NOTCH2NLR: variants seen among roughly 807,000 people sequenced by gnomAD.
The protein encoded by NOTCH2NLR is notch 2 N-terminal like R (pseudogene).
Under a neutral mutation model 35.6 loss-of-function variants are expected in NOTCH2NLR, and 33 were observed. That is an observed-to-expected ratio of 0.93 (90% confidence interval 0.70 to 1.24). The LOEUF (loss-of-function observed/expected upper bound fraction) is 1.24, where lower values mean the gene tolerates loss of function less well. Ranked by LOEUF, NOTCH2NLR falls within the 50% of genes most tolerant of loss-of-function variation. The probability of loss-of-function intolerance (pLI) is 0.00; values close to 1 mark genes in which losing one functional copy is unlikely to be tolerated. For synonymous variants in NOTCH2NLR, 103 were observed against 141.0 expected (o/e 0.73, Z 1.91); for missense variants, 276 against 362.2 (o/e 0.76, Z 1.93).
chr1:120,756,667 G>A (rs1418094661), intron 1 of NOTCH2NLR, among the ~76,000 whole-genome samples: 1 of 117,814 alleles, frequency 8.5e-6, no homozygotes, highest in East Asian at 2.1e-4. Flanking sequence ...AATTACTCAT[G>A]TTAGAGATTC....
intron 1 of NOTCH2NLR, among the ~76,000 whole-genome samples, chr1:120,759,929 C>T (rs1651115726): frequency 9.9e-6 from 1 of 101,420 alleles, no homozygotes; most frequent in South Asian, 2.8e-4. Context: ...CAAAAAAATT[C>T]TTCTTGTGTA....
rs1212617658 is a variant in NOTCH2NLR at position 120,784,055 on chromosome 1, G to T, written c.156-919G>T. 3.0e-4 allele frequency among the ~76,000 whole-genome samples: 35 copies of T among 115,940 alleles called. 14 individuals carry two copies. Among genetic ancestry groups the T allele is most frequent in the African/African-American group, 1.7e-3 (33 of 19,716 alleles). The allele number at this position is 115,940 out of a possible 152,430, so 76.1% of individuals were successfully genotyped here. A position where few individuals can be genotyped will look rare whatever the true frequency, so the allele number is the denominator to read the frequency against. On this transcript the variant is annotated intron_variant, in intron 2 of 4. Coordinates refer to ENST00000624419, the Ensembl canonical transcript of NOTCH2NLR. The stretch of plus-strand genomic sequence containing the variant: ...AAGAAAGAGAAATATCTGAAATTAG[G>T]CTACAGTCATAGAAGGTTAGCTGTG...
chr1:120,736,509 A>G (rs1650909629), intron 1 of NOTCH2NLR, among the ~76,000 whole-genome samples: 1 of 115,456 alleles, frequency 8.7e-6, no homozygotes, highest in Non-Finnish European at 1.9e-5. Flanking sequence ...AGGAAATAGG[A>G]ACATCATCTT....
At chr1:120,760,242 C>G (rs1651120531) in intron 1 of NOTCH2NLR, among the ~76,000 whole-genome samples, 1 of 71,344 alleles carries the variant, frequency 1.4e-5, no homozygotes, top group Non-Finnish European at 2.3e-5. Context: ...GGCTGGAGTA[C>G]AGTGGAGCAA....
In NOTCH2NLR at chr1:120,724,213, G is replaced by T; in HGVS notation, c.36G>T (p.Leu12=). The change falls in exon 1 of 5, where the codon CTG becomes CTT. Residue 12 remains leucine, a synonymous_variant. Transcript: ENST00000624419. The stretch of plus-strand genomic sequence containing the variant: ...TGCGTCCCGCTCTGCTGTGGGCGCT[G>T]CTGGCGCTCTGGCTGTGCTGGGCGG... The T allele has an allele frequency of 3.6e-6, 5 of 1,407,018 alleles. 2 individuals carry two copies. In the South Asian group the frequency reaches 6.3e-5, roughly 18 times the overall value. 87.2% of individuals were successfully genotyped at this position (1,407,018 alleles called of 1,614,324 possible). A position where few individuals can be genotyped will look rare whatever the true frequency, so the allele number is the denominator to read the frequency against.
chr1:120,760,180 C>CTTTT (rs1161423259), intron 1 of NOTCH2NLR, among the ~76,000 whole-genome samples: 2 of 15,166 alleles, frequency 1.3e-4, no homozygotes, highest in Admixed American at 4.9e-4. Context: ...TCTACCACAG[C>CTTTT]TTTTTTTTTT....
At chr1:120,781,704 C>T (rs1651363268) in intron 2 of NOTCH2NLR, among the ~76,000 whole-genome samples, 1 of 82,440 alleles carries the variant, frequency 1.2e-5, no homozygotes, top group Admixed American at 1.2e-4. Flanking sequence ...GCTGGGACTA[C>T]AGGCGCCTGC....
rs1651513075 is a variant in NOTCH2NLR at position 120,793,240 on chromosome 1, G to A, written c.495G>A (p.Gln165=). ...GTACCTGTACCACTGTGGCCAACCA[G>A]TTCTCCTGCAAATGCCTCACAGGCT... The change falls in exon 4 of 5, where the codon CAG becomes CAA. Residue 165 remains glutamine (Q), a synonymous_variant. Coordinates refer to ENST00000624419, the Ensembl canonical transcript of NOTCH2NLR. 11 of 1,439,778 alleles carry A rather than the reference G, an allele frequency of 7.6e-6. 2 individuals carry two copies. Among genetic ancestry groups the A allele is most frequent in the Admixed American group, 3.9e-5 (2 of 50,910 alleles). The allele number at this position is 1,439,778 out of a possible 1,614,324, so 89.2% of individuals were successfully genotyped here. A position where few individuals can be genotyped will look rare whatever the true frequency, so the allele number is the denominator to read the frequency against.
rs1275813529 is a variant in NOTCH2NLR, at chr1:120,783,739, C to T, written c.156-1235C>T. Among the ~76,000 whole-genome samples, 3 of 117,270 alleles carry T rather than the reference C, an allele frequency of 2.6e-5. 1 individual carries two copies. Among genetic ancestry groups the T allele is most frequent in the East Asian group, 2.1e-4 (1 of 4,716 alleles). 76.9% of individuals were successfully genotyped at this position (117,270 alleles called of 152,430 possible). A position where few individuals can be genotyped will look rare whatever the true frequency, so the allele number is the denominator to read the frequency against. Reference sequence around the variant, plus strand: ...AAGAGCAGTGCAGTCCAGACTTAAACGTTAGGGTGGCCATAATATATGGGG... The same window carrying T: ...AAGAGCAGTGCAGTCCAGACTTAAATGTTAGGGTGGCCATAATATATGGGG... On this transcript the variant is annotated intron_variant, in intron 2 of 4. Coordinates refer to ENST00000624419, the Ensembl canonical transcript of NOTCH2NLR.
Position 120,724,691 on chromosome 1 carries a change from C to T in NOTCH2NLR, c.73+441C>T, listed in dbSNP as rs1418836808. ...GCGGGGGCAGGGCCGCCAAGCCAAACGGCCTGCAGCTTCGCAGCCAGCCTC... is the reference window on the plus strand; with the variant it reads ...GCGGGGGCAGGGCCGCCAAGCCAAATGGCCTGCAGCTTCGCAGCCAGCCTC... On this transcript the variant is annotated intron_variant, in intron 1 of 4. Coordinates refer to ENST00000624419, the Ensembl canonical transcript of NOTCH2NLR. 6.2e-4 allele frequency among the ~76,000 whole-genome samples: 77 copies of T among 124,814 alleles called. 23 individuals carry two copies. Among genetic ancestry groups the T allele is most frequent in the African/African-American group, 2.9e-3 (74 of 25,532 alleles). The allele number at this position is 124,814 out of a possible 152,430, so 81.9% of individuals were successfully genotyped here.
intron 4 of NOTCH2NLR, 74 bp downstream of exon 4, chr1:120,793,570 G>C (rs1651519731): frequency 9.1e-7 from 1 of 1,099,110 alleles, no homozygotes; most frequent in Non-Finnish European, 1.3e-6. Flanking sequence ...TGGCTCAATT[G>C]CATTTTTTAG....
chr1:120,793,179 C>T lies in NOTCH2NLR; in HGVS notation c.434C>T (p.Thr145Ile), dbSNP rs1651512241. 3 of 1,438,488 alleles carry T rather than the reference C, an allele frequency of 2.1e-6. 1 individual carries two copies. The highest frequency in any genetic ancestry group is 2.7e-5 in the African/African-American group (1 of 36,444). The allele number at this position is 1,438,488 out of a possible 1,614,324, so 89.1% of individuals were successfully genotyped here. The change falls in exon 4 of 5, where the codon ACC (threonine) becomes ATC (isoleucine). Residue 145 changes from threonine (T) to isoleucine (I), a missense_variant. Coordinates refer to ENST00000624419, the Ensembl canonical transcript of NOTCH2NLR. ...CCTTTAGGTAAGGAGTGCCAATGGA[C>T]CGATGCCTGCCTGTCTCATCTCTGT... is the stretch of plus-strand genomic sequence containing the variant.
chr1:120,743,782 T>C lies in NOTCH2NLR; in HGVS notation c.73+19532T>C, dbSNP rs1488326550. ...ATTCCAGAAGTTCTGGTATGGATAG[T>C]GTGAGCCCAGGGAATGTGCTTAGAT... is the stretch of plus-strand genomic sequence containing the variant. On this transcript the variant is annotated intron_variant, in intron 1 of 4. Coordinates refer to ENST00000624419, the Ensembl canonical transcript of NOTCH2NLR. Among the ~76,000 whole-genome samples the C allele has an allele frequency of 1.6e-5, 2 of 125,646 alleles. 1 individual carries two copies. The highest frequency in any genetic ancestry group is 6.8e-5 in the African/African-American group (2 of 29,274). The allele number at this position is 125,646 out of a possible 152,430, so 82.4% of individuals were successfully genotyped here.
chr1:120,790,170 C>T lies in NOTCH2NLR; in HGVS notation c.416-2991C>T, dbSNP rs1162144176. 3.9e-5 allele frequency among the ~76,000 whole-genome samples: 4 copies of T among 102,402 alleles called. 1 individual carries two copies. Among genetic ancestry groups the T allele is most frequent in the African/African-American group, 1.9e-4 (3 of 15,428 alleles). The allele number at this position is 102,402 out of a possible 152,430, so 67.2% of individuals were successfully genotyped here. On this transcript the variant is annotated intron_variant, in intron 3 of 4. Coordinates refer to ENST00000624419, the Ensembl canonical transcript of NOTCH2NLR. ...AGCTGGGACTACAGGCACCTACCGC[C>T]ATGCCCGGCTAATTTTTGTATTTTT... is the stretch of plus-strand genomic sequence containing the variant.
intron 1 of NOTCH2NLR, among the ~76,000 whole-genome samples, chr1:120,730,503 T>C (rs2101347212): frequency 1.2e-5 from 1 of 86,540 alleles, no homozygotes; most frequent in East Asian, 2.7e-4. Flanking sequence ...TGGCTTCAGA[T>C]CTGAAAGGAT....
At chr1:120,727,507 G>A (rs1396409851) in intron 1 of NOTCH2NLR, among the ~76,000 whole-genome samples, 10 of 107,754 alleles carry the variant, frequency 9.3e-5, no homozygotes, top group Non-Finnish European at 1.7e-4. Context: ...CATATATTTA[G>A]ATGATATAAT....
chr1:120,763,719 T>G lies in NOTCH2NLR; in HGVS notation c.155+10T>G. ...GCACAGGATACTGCAAGTAAGTTTT[T>G]CTCTTCATATATTTTCTTTTTGCGA... is the stretch of plus-strand genomic sequence containing the variant. On this transcript the variant is annotated intron_variant, in intron 2 of 4. Coordinates refer to ENST00000624419, the Ensembl canonical transcript of NOTCH2NLR. The G allele has an allele frequency of 8.3e-7, 1 of 1,207,206 alleles. No homozygotes were observed. The highest frequency in any genetic ancestry group is 1.9e-4 in the Middle Eastern group (1 of 5,230). 74.8% of individuals were successfully genotyped at this position (1,207,206 alleles called of 1,614,324 possible).
intron 1 of NOTCH2NLR, among the ~76,000 whole-genome samples, chr1:120,733,063 A>G (rs1338208445): frequency 1.7e-5 from 1 of 58,696 alleles, no homozygotes; most frequent in Non-Finnish European, 2.8e-5. Flanking sequence ...TTTTTGGTAT[A>G]CGTCTTTGGT....
At chr1:120,727,777 C>A (rs1650831449) in intron 1 of NOTCH2NLR, among the ~76,000 whole-genome samples, 1 of 117,020 alleles carries the variant, frequency 8.5e-6, no homozygotes, top group Non-Finnish European at 1.6e-5. Flanking sequence ...ATTTTCCTTC[C>A]ACGCTTTCCT....
Sources: allele counts gnomAD v4.1 joint callset (sites outside exome capture counted in the v4.1 genomes callset), GRCh38; gene constraint gnomAD v4.1.1; transcripts MANE v1.5; gene names NCBI Gene and HGNC (gene_info 2026-07-23, HGNC 2026-07-21).